Variants in BCAR3 observed in about 807,000 individuals in gnomAD.
BCAR3 encodes the protein BCAR3 adaptor protein, NSP family member, also known as breast cancer anti-estrogen resistance protein 3.
In BCAR3, 37 loss-of-function variants were observed where a neutral mutation model predicts 80.1. The observed-to-expected ratio is 0.46, with a 90% confidence interval of 0.36 to 0.61. The LOEUF is 0.61. Among genes scored for constraint, BCAR3 ranks in the 20% least tolerant of loss-of-function variants. The pLI is 0.00. For missense variants in BCAR3, 978 were observed against 1,068.2 expected (o/e 0.92, Z 1.18); for synonymous variants, 389 against 418.9 (o/e 0.93, Z 0.87).
intron 3 of BCAR3, among the ~76,000 whole-genome samples, chr1:93,630,590 C>T (rs1031884403): frequency 2.0e-5 from 3 of 152,036 alleles, no homozygotes; most frequent in African/African-American, 7.3e-5. Flanking sequence ...GCTGAGATTG[C>T]GCCACTGCAC....
At chr1:93,673,892 C>G (rs961175749) in intron 2 of BCAR3, among the ~76,000 whole-genome samples, 6 of 152,206 alleles carry the variant, frequency 3.9e-5, no homozygotes, top group African/African-American at 1.4e-4. Flanking sequence ...AGTTCAGAAT[C>G]TGATGCTATG....
chr1:93,728,935 G>C (rs113367979), intron 2 of BCAR3, among the ~76,000 whole-genome samples: 271 of 152,254 alleles, frequency 1.8e-3, no homozygotes, highest in Non-Finnish European at 2.5e-3. Context: ...GTCCGTGGGG[G>C]TGGAGCCATA....
At chr1:93,613,722 A>C in intron 3 of BCAR3, 1 of 1,224,734 alleles carries the variant, frequency 8.2e-7, no homozygotes, top group East Asian at 2.6e-5. Flanking sequence ...CATCAGTCAA[A>C]GAAAGCACCT....
At chr1:93,630,398 C>T (rs914989607) in intron 3 of BCAR3, among the ~76,000 whole-genome samples, 6 of 151,148 alleles carry the variant, frequency 4.0e-5, no homozygotes, top group African/African-American at 1.5e-4. Context: ...CCAAGGCAGG[C>T]GAATCACTTG....
chr1:93,626,092 T>C (rs1008735774), intron 3 of BCAR3, among the ~76,000 whole-genome samples: 7 of 152,214 alleles, frequency 4.6e-5, no homozygotes, highest in Admixed American at 4.6e-4. Context: ...ACCAGATCTT[T>C]ACAGTATATC....
At chr1:93,752,649 A>T (rs1557676238) in intron 2 of BCAR3, among the ~76,000 whole-genome samples, 1 of 152,216 alleles carries the variant, frequency 6.6e-6, no homozygotes, top group Non-Finnish European at 1.5e-5. Context: ...ACTTTCTTTG[A>T]TGAAGGAAAA....
intron 2 of BCAR3, among the ~76,000 whole-genome samples, chr1:93,742,696 A>C (rs1357813031): frequency 6.6e-6 from 1 of 152,238 alleles, no homozygotes; most frequent in East Asian, 1.9e-4. Context: ...GCTGGTACTA[A>C]AAGTCTCTTG....
chr1:93,627,671 A>G (rs984746958), intron 3 of BCAR3, among the ~76,000 whole-genome samples: 1 of 152,266 alleles, frequency 6.6e-6, no homozygotes, highest in African/African-American at 2.4e-5. Context: ...TAAATGAATT[A>G]CATGAAATGC....
At chr1:93,749,846 A>G (rs932840757) in intron 2 of BCAR3, among the ~76,000 whole-genome samples, 22 of 150,044 alleles carry the variant, frequency 1.5e-4, no homozygotes, top group Non-Finnish European at 2.5e-4. Flanking sequence ...TTCGTTCTTG[A>G]TATTTGCTCA....
At chr1:93,648,662 T>G (rs1283525916) in intron 2 of BCAR3, 1 of 152,174 alleles carries the variant, frequency 6.6e-6, no homozygotes, top group Non-Finnish European at 1.5e-5. Flanking sequence ...CCTTCCTAAT[T>G]CATAACAGTA....
At chr1:93,640,998 T>C (rs1432620978) in intron 3 of BCAR3, among the ~76,000 whole-genome samples, 1 of 152,210 alleles carries the variant, frequency 6.6e-6, no homozygotes, top group African/African-American at 2.4e-5. Flanking sequence ...CTCTAATACT[T>C]TGCAATGCAC....
intron 3 of BCAR3, among the ~76,000 whole-genome samples, chr1:93,639,662 A>C (rs1038553575): frequency 6.6e-6 from 1 of 152,014 alleles, no homozygotes; most frequent in Admixed American, 6.6e-5. Context: ...TTTTTAGTAG[A>C]GACAGGGTTT....
At chr1:93,758,459 C>G (rs12410986) in intron 2 of BCAR3, among the ~76,000 whole-genome samples, 17,833 of 152,244 alleles carry the variant, frequency 0.12, 1,469 homozygotes, top group African/African-American at 0.22. Flanking sequence ...TTAAGCCTAA[C>G]AGGAGAGTTC....
chr1:93,688,676 G>A (rs1440103506), intron 3 of BCAR3, among the ~76,000 whole-genome samples: 1 of 152,060 alleles, frequency 6.6e-6, no homozygotes, highest in East Asian at 1.9e-4. Context: ...GCTCACTGCA[G>A]CCTCCATCTT....
chr1:93,757,012 G>A (rs181283703), intron 2 of BCAR3, among the ~76,000 whole-genome samples: 1 of 152,264 alleles, frequency 6.6e-6, no homozygotes, highest in East Asian at 1.9e-4. Context: ...GGAGGGGTGG[G>A]GAGGACCTGC....
At chr1:93,756,844 T>C (rs1314036973) in intron 2 of BCAR3, among the ~76,000 whole-genome samples, 2 of 152,202 alleles carry the variant, frequency 1.3e-5, no homozygotes, top group Non-Finnish European at 2.9e-5. Flanking sequence ...TGATGACTAG[T>C]CCCTGGCATT....
rs146830705 is a variant in BCAR3 at position 93,700,998 on chromosome 1, C to G, written c.-12+5094G>C. 3.4e-3 allele frequency among the ~76,000 whole-genome samples: 524 copies of G among 152,332 alleles called. 4 individuals are homozygous for G. The highest frequency in any genetic ancestry group is 0.012 in the African/African-American group (492 of 41,582). ...AGATGGTGTGCTGTTAAAAGCACAG[C>G]CTTCGGGGCAGCCAAACCTGGGTTT... is the stretch of plus-strand genomic sequence containing the variant. On this transcript the variant is annotated intron_variant, in intron 3 of 13. Transcript: ENST00000370244.
At chr1:93,753,329 A>G (rs2100712408) in intron 2 of BCAR3, 1 of 152,298 alleles carries the variant, frequency 6.6e-6, no homozygotes, top group South Asian at 2.1e-4. Flanking sequence ...TACACTTTCA[A>G]CGTTGACATC....
At chr1:93,742,489 C>G (rs752894469) in intron 2 of BCAR3, among the ~76,000 whole-genome samples, 40 of 152,208 alleles carry the variant, frequency 2.6e-4, no homozygotes, top group Non-Finnish European at 5.0e-4. Flanking sequence ...TGATTAAAAC[C>G]TGCTACTCCC....
Sources: gnomAD v4.1 joint callset for allele counts (sites outside exome capture counted in the v4.1 genomes callset) on GRCh38, gnomAD v4.1.1 for gene constraint, MANE v1.5 for transcripts, NCBI Gene and HGNC (gene_info 2026-07-23, HGNC 2026-07-21) for gene names.